The following ZNF573 variants were observed in gnomAD, a reference collection of about 807,000 sequenced individuals.
ZNF573 encodes zinc finger protein 573.
Under a neutral mutation model 57.4 loss-of-function variants are expected in ZNF573, and 41 were observed. The ratio of observed to expected loss-of-function variants is 0.71; its 90% CI spans 0.56 to 0.93. The LOEUF is 0.93. Ranked by LOEUF, ZNF573 falls within the 40% of genes least tolerant of loss-of-function variation. The pLI is 0.00. For synonymous variants in ZNF573, 249 were observed against 261.0 expected (o/e 0.95, Z 0.44); for missense variants, 730 against 794.8 (o/e 0.92, Z 0.98).
rs58757674 is a variant in ZNF573 at position 37,770,832 on chromosome 19, TTATATATATATATATATATATATATATA to T, written c.202+704_202+731del. On this transcript the variant is annotated intron_variant, in intron 3 of 4. Transcript: ENST00000536220. ...ACAGTTCTTTCAGGATTAAGTTATT[TTATATATATATATATATATATATATATA>T]TATATATATATATTCCCCCTCCCTT... 1.7e-4 allele frequency among the ~76,000 whole-genome samples: 16 copies of T among 93,736 alleles called. No individual in the cohort carries two copies. In the East Asian group the frequency reaches 4.7e-3, roughly 27 times the overall value. The allele number at this position is 93,736 out of a possible 152,430, so 61.5% of individuals were successfully genotyped here. A position where few individuals can be genotyped will look rare whatever the true frequency, so the allele number is the denominator to read the frequency against.
intron 4 of ZNF573, among the ~76,000 whole-genome samples, chr19:37,768,327 T>C (rs1365650682): frequency 6.6e-6 from 1 of 152,170 alleles, no homozygotes; most frequent in African/African-American, 2.4e-5. Flanking sequence ...TGTGACCTCA[T>C]TTCTCGTCAC....
intron 4 of ZNF573, chr19:37,759,061 C>A (rs1327890874): frequency 5.5e-6 from 3 of 544,336 alleles, no homozygotes. Flanking sequence ...ATTTTCAGCA[C>A]TTTGGGAAGC....
At chr19:37,744,740 C>CAA (rs1193916273) in intron 4 of ZNF573, among the ~76,000 whole-genome samples, 5 of 38,560 alleles carry the variant, frequency 1.3e-4, no homozygotes, top group African/African-American at 2.9e-4. Flanking sequence ...GACCCTATCT[C>CAA]AAAAAAAAAA....
chr19:37,756,731 C>T (rs2145303201), intron 4 of ZNF573, among the ~76,000 whole-genome samples: 1 of 151,698 alleles, frequency 6.6e-6, no homozygotes, highest in East Asian at 1.9e-4. Context: ...CAATTCTTCC[C>T]TAAATACGTT....
chr19:37,745,318 T>C (rs2045370851), intron 4 of ZNF573, among the ~76,000 whole-genome samples: 1 of 151,982 alleles, frequency 6.6e-6, no homozygotes. Context: ...GCCAAGTGAT[T>C]TGCTTCTGTC....
rs991462583 is a variant in ZNF573 at position 37,738,427 on chromosome 19, T to C, written c.*65A>G. On this transcript the variant is annotated 3_prime_UTR_variant, in exon 5 of 5. Coordinates refer to ENST00000536220, the MANE Select transcript of ZNF573 (RefSeq NM_001172690.2). ...TAAAGCCATACCTATAAGACTAACATTCCATCATTTCTCACCAGTGTGGGC... is the reference window on the plus strand; with the variant it reads ...TAAAGCCATACCTATAAGACTAACACTCCATCATTTCTCACCAGTGTGGGC... 2.3e-5 allele frequency: 33 copies of C among 1,458,382 alleles called. No individual in the cohort carries two copies. The highest frequency in any genetic ancestry group is 2.9e-5 in the Non-Finnish European group (32 of 1,102,872). The allele number at this position is 1,458,382 out of a possible 1,614,324, so 90.3% of individuals were successfully genotyped here. A position where few individuals can be genotyped will look rare whatever the true frequency, so the allele number is the denominator to read the frequency against.
At chr19:37,767,233 C>CTTT (rs200995291) in intron 4 of ZNF573, among the ~76,000 whole-genome samples, 1 of 144,638 alleles carries the variant, frequency 6.9e-6, no homozygotes, top group African/African-American at 2.5e-5. Context: ...AGATTCATTC[C>CTTT]TTTTTTTTTT....
chr19:37,740,464 C>T (rs1324032843), intron 4 of ZNF573: 17 of 453,220 alleles, frequency 3.8e-5, no homozygotes, highest in African/African-American at 5.9e-5. Flanking sequence ...ATATTGGCAC[C>T]GTCAAAGACC....
intron 4 of ZNF573, among the ~76,000 whole-genome samples, chr19:37,748,646 C>G (rs574497058): frequency 6.6e-6 from 1 of 152,006 alleles, no homozygotes; most frequent in African/African-American, 2.4e-5. Flanking sequence ...AGCCTAAGAC[C>G]TGGCTGGGCA....
intron 4 of ZNF573, among the ~76,000 whole-genome samples, chr19:37,749,448 A>C (rs2045413178): frequency 6.6e-6 from 1 of 152,064 alleles, no homozygotes; most frequent in African/African-American, 2.4e-5. Flanking sequence ...TTTTTAACCA[A>C]ATAATAGTAG....
rs1372695755 is a variant in ZNF573, at chr19:37,774,229, C to A, written c.-22-478G>T. Among the ~76,000 whole-genome samples, 7 of 150,842 alleles carry A rather than the reference C, an allele frequency of 4.6e-5. No individual in the cohort carries two copies. In the East Asian group the frequency reaches 9.8e-4, roughly 21 times the overall value. On this transcript the variant is annotated intron_variant, in intron 1 of 4. Transcript: ENST00000536220. Reference sequence around the variant, plus strand: ...CTTGGCTCGCTGCAACCTCTGCCACCCAGGTTCAAGCGATTCTCCTGTCTC... The same window carrying A: ...CTTGGCTCGCTGCAACCTCTGCCACACAGGTTCAAGCGATTCTCCTGTCTC...
rs2145270440 is a variant in ZNF573 at position 37,739,202 on chromosome 19, T to G, written c.1288A>C (p.Lys430Gln). Residue 430 changes from lysine to glutamine, a missense_variant, in exon 5 of 5, where the codon AAA (lysine) becomes CAA (glutamine). Transcript: ENST00000536220. ...CCAGTATGAATTTTCTGATGTTGTT[T>G]AAGGTAGCCATACAAGCTAAAGGCC... is the stretch of plus-strand genomic sequence containing the variant. ...GKAFSLYGYL[K>Q]QHQKIHTGMK... 1 of 1,613,212 alleles carries G rather than the reference T, an allele frequency of 6.2e-7. No homozygotes were observed. Among genetic ancestry groups the G allele is most frequent in the East Asian group, 2.2e-5 (1 of 44,870 alleles).
intron 1 of ZNF573, among the ~76,000 whole-genome samples, chr19:37,778,961 C>T (rs1483619384): frequency 1.3e-5 from 2 of 152,146 alleles, no homozygotes; most frequent in Non-Finnish European, 2.9e-5. Flanking sequence ...ACCTCCCAGG[C>T]GTTTCCAATC....
intron 4 of ZNF573, among the ~76,000 whole-genome samples, chr19:37,759,310 C>G (rs1456489262): frequency 1.3e-5 from 2 of 152,084 alleles, no homozygotes; most frequent in Non-Finnish European, 2.9e-5. Context: ...AGTAAAAGAA[C>G]TCTATTTTAA....
intron 4 of ZNF573, among the ~76,000 whole-genome samples, chr19:37,765,090 G>C (rs1367603205): frequency 6.6e-6 from 1 of 151,870 alleles, no homozygotes; most frequent in Non-Finnish European, 1.5e-5. Flanking sequence ...ATTTTTAGTA[G>C]AGATGGCGTT....
intron 4 of ZNF573, among the ~76,000 whole-genome samples, chr19:37,758,843 A>G (rs528711187): frequency 6.6e-6 from 1 of 152,302 alleles, no homozygotes; most frequent in Non-Finnish European, 1.5e-5. Context: ...ATATAGAAAA[A>G]TAAATATTTT....
In ZNF573 at chr19:37,773,682, G is replaced by A. The variant is rs1297991210; in HGVS notation, c.48C>T (p.Tyr16=). ...TTACACAGGTCATGGTTTTAGAATT[G>A]TAAGACCTGATCAGTCCTACTTGGT... ...EPHQVGLIRS[Y]NSKTMTCFQE... is the part of the protein sequence containing the mutation. The change falls in exon 2 of 5, where the codon TAC becomes TAT. Residue 16 remains tyrosine (Y), a synonymous_variant. Coordinates refer to ENST00000536220, the MANE Select transcript of ZNF573 (RefSeq NM_001172690.2). 1 of 1,535,668 alleles carries A rather than the reference G, an allele frequency of 6.5e-7. No individual in the cohort carries two copies. Among genetic ancestry groups the A allele is most frequent in the East Asian group, 2.4e-5 (1 of 40,868 alleles).
rs267605455 is a variant in ZNF573, at chr19:37,739,539, A to C, written c.951T>G (p.Leu317=). Residue 317 remains leucine, a synonymous_variant, in exon 5 of 5, where the codon CTT becomes CTG. Coordinates refer to ENST00000536220, the MANE Select transcript of ZNF573 (RefSeq NM_001172690.2). ...CAGTGTGAACTCTCTGATGTACAGT[A>C]AGCTGGTGACCTCTTCTAAAGGCCT... ...CGKAFRRGHQ[L]TVHQRVHTGK... The C allele has an allele frequency of 3.1e-6, 5 of 1,612,770 alleles. No homozygotes were observed. Among genetic ancestry groups the C allele is most frequent in the Non-Finnish European group, 4.2e-6 (5 of 1,179,670 alleles).
chr19:37,766,040 C>CA (rs928796852), intron 4 of ZNF573, among the ~76,000 whole-genome samples: 44 of 141,342 alleles, frequency 3.1e-4, no homozygotes, highest in South Asian at 4.5e-4. Context: ...AACTCCATCT[C>CA]AAAAAAAAAA....
Sources: gnomAD v4.1 joint callset for allele counts (sites outside exome capture counted in the v4.1 genomes callset) on GRCh38, gnomAD v4.1.1 for gene constraint, MANE v1.5 for transcripts, NCBI Gene and HGNC (gene_info 2026-07-23, HGNC 2026-07-21) for gene names.